Variants in HUNK observed in about 807,000 individuals in gnomAD.
HUNK encodes the protein hormonally up-regulated neu tumor-associated kinase.
A neutral mutation model predicts 61.0 loss-of-function variants in HUNK; 21 were observed. The observed-to-expected ratio is 0.34, with a 90% confidence interval of 0.24 to 0.50. The LOEUF is 0.50. Among genes scored for constraint, HUNK ranks in the 20% least tolerant of loss-of-function variants. The probability of loss-of-function intolerance (pLI) is 0.98; values close to 1 mark genes in which losing one functional copy is unlikely to be tolerated. For missense variants in HUNK, 772 were observed against 945.7 expected (o/e 0.82, Z 2.41); for synonymous variants, 371 against 386.1 (o/e 0.96, Z 0.46).
chr21:32,003,146 C>T lies in HUNK; in HGVS notation c.*3962C>T, dbSNP rs1308562022. On this transcript the variant is annotated 3_prime_UTR_variant, in exon 11 of 11. Coordinates refer to ENST00000270112, the MANE Select transcript of HUNK (RefSeq NM_014586.2). ...GGCTGCCATGGTCAGAGGGGGATGT[C>T]AACAACAGATCAAGCCGTCATCACA... The T allele has an allele frequency of 1.3e-5, 2 of 152,210 alleles. No individual in the cohort carries two copies. Among genetic ancestry groups the T allele is most frequent in the Non-Finnish European group, 1.5e-5 (1 of 68,070 alleles). 9.4% of individuals were successfully genotyped at this position (152,210 alleles called of 1,614,324 possible).
intron 7 of HUNK, among the ~76,000 whole-genome samples, chr21:31,982,811 TA>T (rs1224032245): frequency 1.3e-5 from 2 of 152,212 alleles, no homozygotes; most frequent in East Asian, 3.9e-4. Context: ...TTTTTATTTT[TA>T]TTTTTTTGAG....
At chr21:31,919,416 A>G (rs2052608444) in intron 1 of HUNK, among the ~76,000 whole-genome samples, 1 of 152,176 alleles carries the variant, frequency 6.6e-6, no homozygotes, top group African/African-American at 2.4e-5. Flanking sequence ...GTACAGGAAG[A>G]ACTGCCTAAA....
intron 1 of HUNK, among the ~76,000 whole-genome samples, chr21:31,919,263 G>T (rs1388762876): frequency 1.3e-5 from 2 of 152,066 alleles, no homozygotes; most frequent in Non-Finnish European, 2.9e-5. Flanking sequence ...TTTCCAGGGG[G>T]TATTTCCCCA....
At chr21:31,898,789 ATGAGTT>A (rs2052443355) in intron 1 of HUNK, among the ~76,000 whole-genome samples, 1 of 152,130 alleles carries the variant, frequency 6.6e-6, no homozygotes, top group East Asian at 1.9e-4. Context: ...TCTGCTTGGA[ATGAGTT>A]TGAGAAGTTT....
intron 5 of HUNK, among the ~76,000 whole-genome samples, chr21:31,966,576 A>T (rs2833585): frequency 0.2 from 30,196 of 152,132 alleles, 3,040 homozygotes; most frequent in South Asian, 0.27. Context: ...GTTTCTCTTG[A>T]GTTGATTCTG....
intron 5 of HUNK, among the ~76,000 whole-genome samples, chr21:31,967,385 A>G (rs1320333584): frequency 1.3e-5 from 2 of 152,048 alleles, no homozygotes; most frequent in Non-Finnish European, 2.9e-5. Context: ...AATAAATACA[A>G]AATAAAAGGC....
intron 1 of HUNK, among the ~76,000 whole-genome samples, chr21:31,910,945 G>T (rs555555421): frequency 6.6e-6 from 1 of 152,298 alleles, no homozygotes; most frequent in South Asian, 2.1e-4. Flanking sequence ...CACTTGGCAT[G>T]CGGCAAATTC....
At chr21:31,977,367 G>A (rs1314225298) in intron 7 of HUNK, among the ~76,000 whole-genome samples, 1 of 152,134 alleles carries the variant, frequency 6.6e-6, no homozygotes. Context: ...TTCAGGTGAT[G>A]AATACTGTTC....
At chr21:31,984,567 A>G (rs138501296) in intron 8 of HUNK, among the ~76,000 whole-genome samples, 42 of 152,136 alleles carry the variant, frequency 2.8e-4, no homozygotes, top group Non-Finnish European at 5.6e-4. Flanking sequence ...GAAAAAGAAC[A>G]CAACTCTGAT....
At chr21:31,938,981 G>C (rs1173070707) in intron 2 of HUNK, among the ~76,000 whole-genome samples, 1 of 152,158 alleles carries the variant, frequency 6.6e-6, no homozygotes, top group African/African-American at 2.4e-5. Context: ...TGAGTACCTG[G>C]AATGTGCAAA....
At position 31,967,450 on chromosome 21, in the gene HUNK, T is replaced by C. The variant is rs538815143; in HGVS notation, c.875-800T>C. On this transcript the variant is annotated intron_variant, in intron 5 of 10. Transcript: ENST00000270112. ...TCTCATACAGTTGTTTCCGTTGTTATAATCTTAAAGGATGCAAATGTTCTG... is the reference window on the plus strand; with the variant it reads ...TCTCATACAGTTGTTTCCGTTGTTACAATCTTAAAGGATGCAAATGTTCTG... Among the ~76,000 whole-genome samples the C allele has an allele frequency of 3.9e-5, 6 of 152,354 alleles. No individual in the cohort carries two copies. The East Asian group carries it at 5.8e-4, about 15-fold the overall frequency.
chr21:31,977,582 C>CT (rs756178372), intron 7 of HUNK, among the ~76,000 whole-genome samples: 32 of 152,148 alleles, frequency 2.1e-4, no homozygotes, highest in Non-Finnish European at 4.0e-4. Flanking sequence ...TGTTTACTTC[C>CT]ACATTTAGAG....
chr21:31,905,807 C>T (rs1208151320), intron 1 of HUNK, among the ~76,000 whole-genome samples: 4 of 152,166 alleles, frequency 2.6e-5, no homozygotes, highest in African/African-American at 7.2e-5. Flanking sequence ...GGGCTAGCCC[C>T]GATGTTTAGT....
At chr21:31,969,694 G>A (rs1390694159) in intron 6 of HUNK, among the ~76,000 whole-genome samples, 2 of 151,722 alleles carry the variant, frequency 1.3e-5, no homozygotes, top group Admixed American at 1.3e-4. Context: ...AGCCTCCTGA[G>A]TAGCTGTGAC....
rs539164431 is a variant in HUNK at position 31,932,027 on chromosome 21, A to C, written c.554+7267A>C. Among the ~76,000 whole-genome samples the C allele has an allele frequency of 3.9e-5, 6 of 152,288 alleles. No homozygotes were observed. In the East Asian group the frequency reaches 9.7e-4, roughly 25 times the overall value. ...TATGTGCAAACATGTGTACATTCAT[A>C]CACCCATGGATGCGTGCACATGCAT... On this transcript the variant is annotated intron_variant, in intron 2 of 10. Coordinates refer to ENST00000270112, the MANE Select transcript of HUNK (RefSeq NM_014586.2).
chr21:31,968,554 G>A (rs1568937310), intron 6 of HUNK, among the ~76,000 whole-genome samples, 169 bp downstream of exon 6: 1 of 152,172 alleles, frequency 6.6e-6, no homozygotes. Flanking sequence ...AAGAGGAAGC[G>A]TAGACAGGGC....
At position 31,971,223 on chromosome 21, in the gene HUNK, C is replaced by T. The variant is rs2053008246; in HGVS notation, c.1010+2838C>T. Among the ~76,000 whole-genome samples the T allele has an allele frequency of 1.3e-5, 2 of 152,150 alleles. 1 individual carries two copies. Among genetic ancestry groups the T allele is most frequent in the African/African-American group, 4.8e-5 (2 of 41,500 alleles). On this transcript the variant is annotated intron_variant, in intron 6 of 10. Transcript: ENST00000270112. ...CCTCCTGAGTAGCTGGGATTAGTGC[C>T]ACCACGCCCGGCTAGTTTTTGTATT... is the stretch of plus-strand genomic sequence containing the variant.
At chr21:31,997,493 G>A (rs946876119) in intron 10 of HUNK, among the ~76,000 whole-genome samples, 7 of 152,204 alleles carry the variant, frequency 4.6e-5, no homozygotes, top group Admixed American at 2.0e-4. Flanking sequence ...CCCTAAAGGC[G>A]GATACTGTGT....
chr21:31,939,400 T>G (rs1420914670), intron 2 of HUNK, among the ~76,000 whole-genome samples: 8 of 53,086 alleles, frequency 1.5e-4, no homozygotes, highest in South Asian at 1.0e-3. Context: ...CTTTCATGTG[T>G]TTTTTTTTTT....
Sources: allele counts gnomAD v4.1 joint callset (sites outside exome capture counted in the v4.1 genomes callset), GRCh38; gene constraint gnomAD v4.1.1; transcripts MANE v1.5; gene names NCBI Gene and HGNC (gene_info 2026-07-23, HGNC 2026-07-21).